The following PIK3C3 variants were observed in gnomAD, a reference collection of about 807,000 sequenced individuals.
PIK3C3 encodes the protein PI3-kinase type 3.
A neutral mutation model predicts 126.1 loss-of-function variants in PIK3C3; 95 were observed. The ratio of observed to expected loss-of-function variants is 0.75; its 90% CI spans 0.64 to 0.89. PIK3C3 has a LOEUF of 0.89. Among genes scored for constraint, PIK3C3 ranks in the 40% least tolerant of loss-of-function variants. The pLI, the probability that PIK3C3 is intolerant of heterozygous loss-of-function variation, is 0.00. For missense variants in PIK3C3, 829 were observed against 1,063.2 expected (o/e 0.78, Z 3.06); for synonymous variants, 374 against 360.0 (o/e 1.04, Z -0.44).
intron 21 of PIK3C3, among the ~76,000 whole-genome samples, chr18:42,053,710 G>C (rs775713111): frequency 6.6e-6 from 1 of 152,088 alleles, no homozygotes; most frequent in Non-Finnish European, 1.5e-5. Context: ...CCAGCTCTTT[G>C]GAGAAAGGTT....
chr18:42,015,345 G>T, intron 11 of PIK3C3, 131 bp from the exon 12 acceptor site: 1 of 671,620 alleles, frequency 1.5e-6, no homozygotes, highest in Non-Finnish European at 2.6e-6. Context: ...CTCTAGTGTT[G>T]CACAGAACAC....
chr18:42,062,654 T>C (rs1320539658), intron 22 of PIK3C3, among the ~76,000 whole-genome samples: 1 of 152,142 alleles, frequency 6.6e-6, no homozygotes, highest in Non-Finnish European at 1.5e-5. Context: ...TCCAGTCCTG[T>C]GACTTTACGT....
At chr18:42,067,849 T>C (rs1021103912) in intron 24 of PIK3C3, among the ~76,000 whole-genome samples, 5 of 152,176 alleles carry the variant, frequency 3.3e-5, no homozygotes, top group African/African-American at 1.2e-4. Context: ...TTTTGGTGAA[T>C]GATGAAGTGC....
At chr18:41,960,950 G>A (rs73454602) in intron 2 of PIK3C3, among the ~76,000 whole-genome samples, 5 of 151,710 alleles carry the variant, frequency 3.3e-5, no homozygotes, top group African/African-American at 7.3e-5. Flanking sequence ...CCATGTTGGC[G>A]AAGCTCATCT....
chr18:42,009,702 ATGCT>A (rs1598891975), intron 10 of PIK3C3, among the ~76,000 whole-genome samples: 1 of 147,278 alleles, frequency 6.8e-6, no homozygotes, highest in African/African-American at 2.6e-5. Context: ...ACATTATGTA[ATGCT>A]TACATTATGT....
chr18:41,964,662 A>G (rs923181274), intron 3 of PIK3C3, among the ~76,000 whole-genome samples: 2 of 152,146 alleles, frequency 1.3e-5, no homozygotes, highest in African/African-American at 4.8e-5. Context: ...TCTTTCTTTT[A>G]AAATATTTCC....
At chr18:42,071,231 A>C (rs1985758883) in intron 24 of PIK3C3, among the ~76,000 whole-genome samples, 1 of 152,234 alleles carries the variant, frequency 6.6e-6, no homozygotes, top group Non-Finnish European at 1.5e-5. Context: ...TATGTAGATG[A>C]ACTTTTTAAA....
chr18:42,027,966 G>C (rs1254050751), intron 14 of PIK3C3, among the ~76,000 whole-genome samples: 1 of 152,078 alleles, frequency 6.6e-6, no homozygotes, highest in Non-Finnish European at 1.5e-5. Flanking sequence ...TGGTTTAGCG[G>C]TTGAAAAGAA....
In PIK3C3 at chr18:42,056,070, C is replaced by G. The variant is rs1194903102; in HGVS notation, c.2264-1813C>G. Among the ~76,000 whole-genome samples, 5 of 151,980 alleles carry G rather than the reference C, an allele frequency of 3.3e-5. No homozygotes were observed. In the South Asian group the frequency reaches 1.0e-3, roughly 32 times the overall value. ...TTCGAATAAGATCATACTCTCTGAA[C>G]TTCTTAAACATTTTTTTTAAATTTC... On this transcript the variant is annotated intron_variant, in intron 21 of 24. Coordinates refer to ENST00000262039, the MANE Select transcript of PIK3C3 (RefSeq NM_002647.4).
chr18:42,051,567 C>T (rs1402420051), intron 21 of PIK3C3, among the ~76,000 whole-genome samples: 1 of 152,022 alleles, frequency 6.6e-6, no homozygotes, highest in Admixed American at 6.6e-5. Flanking sequence ...TTAGAACTTG[C>T]ATGGGTGATG....
chr18:42,035,420 A>G (rs1420781161), intron 16 of PIK3C3, among the ~76,000 whole-genome samples: 2 of 152,168 alleles, frequency 1.3e-5, no homozygotes, highest in Non-Finnish European at 2.9e-5. Context: ...ATAAGAAGAT[A>G]TATCTCCCTC....
At chr18:41,959,220 A>G (rs1318882497) in intron 2 of PIK3C3, among the ~76,000 whole-genome samples, 1 of 152,260 alleles carries the variant, frequency 6.6e-6, no homozygotes, top group Non-Finnish European at 1.5e-5. Flanking sequence ...GGAAAAATGT[A>G]TAGTGGCTTC....
At chr18:42,081,056 A>G (rs1986230018) in intron 24 of PIK3C3, 67 bp from the exon 25 acceptor site, 1 of 910,614 alleles carries the variant, frequency 1.1e-6, no homozygotes, top group Non-Finnish European at 1.7e-6. Flanking sequence ...AAAACTATAG[A>G]CTATTGTTTA....
chr18:42,062,073 G>T (rs1224948892), intron 22 of PIK3C3, among the ~76,000 whole-genome samples: 2 of 152,140 alleles, frequency 1.3e-5, no homozygotes, highest in Admixed American at 1.3e-4. Flanking sequence ...AATCTAATGG[G>T]CAGCCAAGTT....
chr18:42,052,327 G>A (rs4283305), intron 21 of PIK3C3, among the ~76,000 whole-genome samples: 11,831 of 152,170 alleles, frequency 0.078, 570 homozygotes, highest in Non-Finnish European at 0.11. Context: ...TTTTCCACTA[G>A]AGGGTGCTCC....
At position 41,955,251 on chromosome 18, in the gene PIK3C3, C is replaced by T. The variant is rs768808229; in HGVS notation, c.-41C>T. 5 of 1,560,120 alleles carry T rather than the reference C, an allele frequency of 3.2e-6. No individual in the cohort carries two copies. The South Asian group carries it at 4.5e-5, about 14-fold the overall frequency. The stretch of plus-strand genomic sequence containing the variant: ...GTTCATTTATGTTGTTTTTCCTGTA[C>T]CTAAGTTCCCGCTGTAGGTGGTACC... On this transcript the variant is annotated 5_prime_UTR_variant, in exon 1 of 25. Coordinates refer to ENST00000262039, the MANE Select transcript of PIK3C3 (RefSeq NM_002647.4).
chr18:41,980,021 T>C (rs1261008359), intron 4 of PIK3C3, among the ~76,000 whole-genome samples: 1 of 152,108 alleles, frequency 6.6e-6, no homozygotes, highest in African/African-American at 2.4e-5. Context: ...GAATAAATTA[T>C]GTGAAATAAT....
At chr18:41,983,977 A>G (rs1256904893) in intron 4 of PIK3C3, among the ~76,000 whole-genome samples, 1 of 145,628 alleles carries the variant, frequency 6.9e-6, no homozygotes, top group Non-Finnish European at 1.5e-5. Context: ...GTGACAGTGT[A>G]CTTTTCTTCC....
intron 24 of PIK3C3, among the ~76,000 whole-genome samples, chr18:42,072,194 T>C (rs533752034): frequency 3.7e-4 from 57 of 152,310 alleles, no homozygotes; most frequent in African/African-American, 1.3e-3. Flanking sequence ...AATCGATTTA[T>C]GGTAATTTTA....
Sources: allele counts gnomAD v4.1 joint callset (sites outside exome capture counted in the v4.1 genomes callset), GRCh38; gene constraint gnomAD v4.1.1; transcripts MANE v1.5; gene names NCBI Gene and HGNC (gene_info 2026-07-23, HGNC 2026-07-21).